The following USP36 variants were observed in gnomAD, a reference collection of about 807,000 sequenced individuals.
USP36 encodes the protein ubiquitin carboxyl-terminal hydrolase 36.
Under a neutral mutation model 111.5 loss-of-function variants are expected in USP36, and 59 were observed. That is an observed-to-expected ratio of 0.53 (90% CI 0.43 to 0.66). The LOEUF (loss-of-function observed/expected upper bound fraction) is 0.66, where lower values mean the gene tolerates loss of function less well. Among genes scored for constraint, USP36 ranks in the 30% least tolerant of loss-of-function variants. The pLI, the probability that USP36 is intolerant of heterozygous loss-of-function variation, is 0.00. For synonymous variants in USP36, 628 were observed against 581.0 expected (o/e 1.08, Z -1.16); for missense variants, 1,488 against 1,468.0 (o/e 1.01, Z -0.22).
chr17:78,840,009 G>C (rs975070787), intron 1 of USP36, among the ~76,000 whole-genome samples: 1 of 152,208 alleles, frequency 6.6e-6, no homozygotes, highest in African/African-American at 2.4e-5. Flanking sequence ...CACGTGCTGG[G>C]GAGAGGAGCC....
intron 12 of USP36, 56 bp downstream of exon 12, chr17:78,813,717 G>A: frequency 2.0e-6 from 3 of 1,514,658 alleles, no homozygotes; most frequent in Non-Finnish European, 1.8e-6. Flanking sequence ...AGGCCCACCG[G>A]TATAAGAAAA....
At position 78,814,462 on chromosome 17, in the gene USP36, C is replaced by T. The variant is rs143942831; in HGVS notation, c.1114G>A (p.Val372Met). The T allele has an allele frequency of 8.1e-6, 13 of 1,614,060 alleles. No individual in the cohort carries two copies. Among genetic ancestry groups the T allele is most frequent in the African/African-American group, 5.3e-5 (4 of 74,912 alleles). Residue 372 changes from valine to methionine, a missense_variant, in exon 11 of 21, where the codon GTG becomes ATG. Transcript: ENST00000449938. ...GCATGGCAGCTGTAGCCCGAGTGCA[C>T]CAGGACAGCATAGAGTCCATACATG... ...PVMYGLYAVL[V>M]HSGYSCHAGH...
At chr17:78,812,697 GAAA>G (rs572009070) in intron 13 of USP36, among the ~76,000 whole-genome samples, 160 bp downstream of exon 13, 8 of 52,644 alleles carry the variant, frequency 1.5e-4, no homozygotes, top group Admixed American at 6.9e-4. Flanking sequence ...ACTCTGTCTC[GAAA>G]AAAAAAAAAA....
chr17:78,840,008 G>A lies in USP36; in HGVS notation c.-174+728C>T, dbSNP rs1366264187. Among the ~76,000 whole-genome samples the A allele has an allele frequency of 9.8e-5, 15 of 152,326 alleles. No individual in the cohort carries two copies. The East Asian group carries it at 2.9e-3, about 29-fold the overall frequency. ...CGCTCGCAGGGTCAACCACGTGCTG[G>A]GGAGAGGAGCCCACGGAAGCAGCGG... On this transcript the variant is annotated intron_variant, in intron 1 of 20. Transcript: ENST00000449938.
chr17:78,810,115 G>A (rs144466335), intron 13 of USP36, among the ~76,000 whole-genome samples: 28 of 151,848 alleles, frequency 1.8e-4, no homozygotes, highest in African/African-American at 4.3e-4. Context: ...CAAAGTGCCC[G>A]GCCCCCCTCT....
intron 15 of USP36, among the ~76,000 whole-genome samples, chr17:78,804,625 TAAAAA>T (rs35371422): frequency 1.3e-4 from 5 of 38,342 alleles, no homozygotes; most frequent in African/African-American, 4.8e-4. Context: ...CCCTGAGATT[TAAAAA>T]AAAAAAAAAA....
intron 6 of USP36, chr17:78,823,021 C>T: frequency 2.5e-6 from 1 of 398,140 alleles, no homozygotes; most frequent in Non-Finnish European, 4.4e-6. Context: ...TTTCCCACGG[C>T]CACCCAGACC....
rs1282213618 is a variant in USP36 at position 78,795,711 on chromosome 17, C to A, written c.*2189G>T. 2 of 152,334 alleles carry A rather than the reference C, an allele frequency of 1.3e-5. No individual in the cohort carries two copies. The highest frequency in any genetic ancestry group is 6.5e-5 in the Admixed American group (1 of 15,306). The allele number at this position is 152,334 out of a possible 1,614,324, so 9.4% of individuals were successfully genotyped here. On this transcript the variant is annotated 3_prime_UTR_variant, in exon 21 of 21. Transcript: ENST00000449938. This position sits in a 1 kb window ranked among gnomAD's most constrained non-coding sequence, Gnocchi z 4.5. Reference sequence around the variant, plus strand: ...TTGGCAACACGTGGGGCTCCCCAGGCCCCCGGAAAGGAGGTGCAGAGGATG... The same window carrying A: ...TTGGCAACACGTGGGGCTCCCCAGGACCCCGGAAAGGAGGTGCAGAGGATG...
rs528190959 is a variant in USP36, at chr17:78,807,489, A to C, written c.1555T>G (p.Ser519Ala). The C allele has an allele frequency of 6.2e-7, 1 of 1,613,690 alleles. No individual in the cohort carries two copies. The highest frequency in any genetic ancestry group is 1.7e-5 in the Admixed American group (1 of 59,984). ...GTTGGCATGTGTGTGGGTGTCTGGG[A>C]GAGTTTGGGGGAAGGGGACCCCGAG... ...LPSGSPSPKL[S>A]QTPTHMPTIL... Residue 519 changes from serine to alanine, a missense_variant, in exon 14 of 21, where the codon TCC becomes GCC. This residue lies in a region of USP36 where 1,073 missense variants were observed against 994.1 expected (regional missense o/e 1.08). Coordinates refer to ENST00000449938, the MANE Select transcript of USP36 (RefSeq NM_001385174.1).
At position 78,836,285 on chromosome 17, in the gene USP36, G is replaced by A. The variant is rs2068659274; in HGVS notation, c.79C>T (p.Leu27Phe). 1 of 1,614,184 alleles carries A rather than the reference G, an allele frequency of 6.2e-7. No homozygotes were observed. The highest frequency in any genetic ancestry group is 8.5e-7 in the Non-Finnish European group (1 of 1,180,038). ...DSADDGELGK[L>F]LASSAKKVLL... The stretch of plus-strand genomic sequence containing the variant: ...ACCTTCTTGGCAGAGGAGGCAAGAA[G>A]CTTCCCCAGTTCTCCATCATCAGCC... Residue 27 changes from leucine to phenylalanine, a missense_variant, in exon 3 of 21, where the codon CTT becomes TTT. By Grantham distance (22) the Leu-to-Phe change is conservative (BLOSUM62 0). Transcript: ENST00000449938.
chr17:78,798,317 C>T lies in USP36; in HGVS notation c.*20+83G>A, dbSNP rs1350533494. ...ACAGCCCACATACATCATACACACACGCCACACCCCACCACACCCCTACAC... is the reference window on the plus strand; with the variant it reads ...ACAGCCCACATACATCATACACACATGCCACACCCCACCACACCCCTACAC... On this transcript the variant is annotated intron_variant, in intron 20 of 20. Coordinates refer to ENST00000449938, the MANE Select transcript of USP36 (RefSeq NM_001385174.1). This position sits in a 1 kb window ranked among gnomAD's most constrained non-coding sequence, Gnocchi z 5.1. 1.2e-5 allele frequency: 18 copies of T among 1,540,770 alleles called. No individual in the cohort carries two copies. Among genetic ancestry groups the T allele is most frequent in the Admixed American group, 7.3e-5 (4 of 54,682 alleles).
chr17:78,831,348 C>T (rs1306906387), intron 4 of USP36, among the ~76,000 whole-genome samples: 3 of 151,530 alleles, frequency 2.0e-5, no homozygotes, highest in Non-Finnish European at 4.4e-5. Context: ...CATGGGGGCC[C>T]ACACCTGTAA....
In USP36 at chr17:78,835,440, GA is replaced by G. The variant is rs1308383169; in HGVS notation, c.314del (p.Phe105SerfsTer8). 1 of 1,613,992 alleles carries G rather than the reference GA, an allele frequency of 6.2e-7. No homozygotes were observed. Among genetic ancestry groups the G allele is most frequent in the East Asian group, 2.2e-5 (1 of 44,898 alleles). ...DGVPAPQKVL[F>X]PTERLSLRWE... ...ACCTCAGAGACAGTCGCTCCGTGGG[GA>G]AAAGCACTTTCTGCGGGGCTGGGAC... On this transcript the variant is annotated frameshift_variant, in exon 4 of 21. Transcript: ENST00000449938. LOFTEE classifies it high-confidence loss of function.
chr17:78,789,039 A>G (rs201105873), intron 3 of USP36, among the ~76,000 whole-genome samples: 16 of 151,520 alleles, frequency 1.1e-4, no homozygotes, highest in African/African-American at 3.1e-4. Flanking sequence ...CTCTATTAAA[A>G]TATGAAAATT....
At chr17:78,787,942 GAT>G (rs2093549309) in intron 3 of USP36, among the ~76,000 whole-genome samples, 1 of 152,192 alleles carries the variant, frequency 6.6e-6, no homozygotes, top group South Asian at 2.1e-4. Flanking sequence ...ACAGTGGAGT[GAT>G]GTGGCCACAA....
At chr17:78,814,620 C>A in intron 10 of USP36, 68 bp from the exon 11 acceptor site, 1 of 1,553,450 alleles carries the variant, frequency 6.4e-7, no homozygotes, top group East Asian at 2.3e-5. Context: ...TTGCCCTTTC[C>A]ATCCACAACC....
At chr17:78,827,144 G>T in intron 6 of USP36, 101 bp downstream of exon 6, 1 of 1,302,136 alleles carries the variant, frequency 7.7e-7, no homozygotes, top group African/African-American at 1.5e-5. Flanking sequence ...GGCAGCCTGG[G>T]TAGAAAGGTG....
rs1419884353 is a variant in USP36, at chr17:78,836,367, G to A, written c.-4C>T. On this transcript the variant is annotated 5_prime_UTR_variant, in exon 3 of 21. Transcript: ENST00000449938. ...TCAACTTATCCACTATTGGCATGGT[G>A]CATCACTGTGGGGACAAGAAGAAAC... The A allele has an allele frequency of 1.2e-6, 2 of 1,613,550 alleles. No homozygotes were observed. Among genetic ancestry groups the A allele is most frequent in the Admixed American group, 3.3e-5 (2 of 59,968 alleles).
At chr17:78,826,185 G>T (rs2067523797) in intron 6 of USP36, among the ~76,000 whole-genome samples, 2 of 152,162 alleles carry the variant, frequency 1.3e-5, no homozygotes, top group South Asian at 4.1e-4. Flanking sequence ...AGACAAAAAG[G>T]AATGCATCCT....
Sources: gnomAD v4.1 joint callset for allele counts (sites outside exome capture counted in the v4.1 genomes callset) on GRCh38, gnomAD v4.1.1 for gene constraint, gnomAD v4.1.1 regional missense constraint, Gnocchi (gnomAD v3.1) non-coding constraint, MANE v1.5 for transcripts, NCBI Gene and HGNC (gene_info 2026-07-23, HGNC 2026-07-21) for gene names.